The following ADGRG2 variants were observed in gnomAD, a reference collection of about 807,000 sequenced individuals.
ADGRG2 encodes adhesion G protein-coupled receptor G2, also known as G protein-coupled receptor 64.
Under a neutral mutation model 74.1 loss-of-function variants are expected in ADGRG2, and 26 were observed. The ratio of observed to expected loss-of-function variants is 0.35; its 90% confidence interval spans 0.26 to 0.49. The LOEUF is 0.49. Ranked by LOEUF, ADGRG2 falls within the 20% of genes least tolerant of loss-of-function variation. The pLI, the probability that ADGRG2 is intolerant of heterozygous loss-of-function variation, is 0.99. For missense variants in ADGRG2, 619 were observed against 763.1 expected (o/e 0.81, Z 2.22); for synonymous variants, 296 against 295.2 (o/e 1.00, Z -0.03).
intron 1 of ADGRG2, among the ~76,000 whole-genome samples, chrX:19,107,905 C>T (rs1337319650): frequency 1.9e-5 from 2 of 104,048 alleles, no homozygotes; most frequent in Non-Finnish European, 3.9e-5. Context: ...TCGAGACCAT[C>T]CTGGCTAACA....
intron 9 of ADGRG2, among the ~76,000 whole-genome samples, chrX:19,030,694 T>A (rs1478396918): frequency 1.8e-5 from 2 of 112,567 alleles, no homozygotes; most frequent in Non-Finnish European, 3.8e-5. Flanking sequence ...CACAAATTAA[T>A]TCTAAGGGTA....
intron 1 of ADGRG2, among the ~76,000 whole-genome samples, chrX:19,108,669 C>G (rs1163372702): frequency 9.0e-6 from 1 of 111,639 alleles, no homozygotes; most frequent in Non-Finnish European, 1.9e-5. Flanking sequence ...GGTAGCCTGT[C>G]TGGTACCACA....
chrX:18,991,537 T>C (rs2059923814), intron 28 of ADGRG2, among the ~76,000 whole-genome samples: 1 of 112,612 alleles, frequency 8.9e-6, no homozygotes, highest in Non-Finnish European at 1.9e-5. Flanking sequence ...AGCAACCAGC[T>C]ACAACAGTCA....
rs184858362 is a variant in ADGRG2, at chrX:18,999,408, T to C, written c.2331-129A>G. The C allele has an allele frequency of 1.1e-5, 6 of 537,962 alleles. No individual in the cohort carries two copies. In the East Asian group the frequency reaches 2.1e-4, roughly 19 times the overall value. The allele number at this position is 537,962 out of a possible 1,213,427, so 44.3% of individuals were successfully genotyped here. A position where few individuals can be genotyped will look rare whatever the true frequency, so the allele number is the denominator to read the frequency against. ...TACCAGTACAAGAGAAAAAAAATGATAAAACTGCTATTCTCTACAACCATT... is the reference window on the plus strand; with the variant it reads ...TACCAGTACAAGAGAAAAAAAATGACAAAACTGCTATTCTCTACAACCATT... On this transcript the variant is annotated intron_variant, in intron 25 of 28. Transcript: ENST00000379869.
chrX:19,110,702 C>A lies in ADGRG2; in HGVS notation c.-47+11740G>T, dbSNP rs202213180. Among the ~76,000 whole-genome samples, 41 of 81,372 alleles carry A rather than the reference C, an allele frequency of 5.0e-4. 1 individual carries two copies. Among genetic ancestry groups the A allele is most frequent in the East Asian group, 3.6e-3 (11 of 3,025 alleles). 70.7% of individuals were successfully genotyped at this position (81,372 alleles called of 115,157 possible). On this transcript the variant is annotated intron_variant, in intron 1 of 28. Transcript: ENST00000379869. ...CTCTATCTCAAAAAAAAACAAAAAA[C>A]AAACAAAAAAAAAAAACAAAAAAAC...
At chrX:19,045,362 C>T (rs191331099) in intron 3 of ADGRG2, among the ~76,000 whole-genome samples, 279 of 107,360 alleles carry the variant, frequency 2.6e-3, no homozygotes, top group African/African-American at 9.2e-3. Context: ...GGCTGGAGTG[C>T]AGTGGCGCAA....
chrX:19,000,248 C>T (rs1023195655), intron 24 of ADGRG2, among the ~76,000 whole-genome samples: 3 of 111,786 alleles, frequency 2.7e-5, no homozygotes, highest in Admixed American at 9.5e-5. Flanking sequence ...CTGCCCGCCT[C>T]GGTCTCCCAA....
At chrX:19,057,801 T>C (rs1178178502) in intron 3 of ADGRG2, among the ~76,000 whole-genome samples, 3 of 111,412 alleles carry the variant, frequency 2.7e-5, no homozygotes, top group Middle Eastern at 4.6e-3. Flanking sequence ...GATTGCACCA[T>C]TGCATTCCAG....
rs150013899 is a variant in ADGRG2 at position 19,014,045 on chromosome X, G to T, written c.740C>A (p.Ala247Asp). ...AAATGGTGGGCCACGTGGATGGTCA[G>T]CAAGACAGACAATGGGATCCTGCAG... ...CDLQDPIVCL[A>D]DHPRGPPFSS... The change falls in exon 16 of 29, where the codon GCT becomes GAT. Residue 247 changes from alanine to aspartate, a missense_variant. Transcript: ENST00000379869. 258 of 1,203,428 alleles carry T rather than the reference G, an allele frequency of 2.1e-4. No individual in the cohort carries two copies. The African/African-American group carries it at 4.2e-3, about 19-fold the overall frequency.
At chrX:19,091,956 G>A (rs758034073) in intron 1 of ADGRG2, among the ~76,000 whole-genome samples, 4 of 112,595 alleles carry the variant, frequency 3.6e-5, no homozygotes, top group South Asian at 3.7e-4. Flanking sequence ...AAGAATTGAC[G>A]CGACTTGGGT....
chrX:19,112,469 G>T (rs996289061), intron 1 of ADGRG2, among the ~76,000 whole-genome samples: 1 of 110,311 alleles, frequency 9.1e-6, no homozygotes, highest in African/African-American at 3.3e-5. Context: ...ATTAGACAAT[G>T]CCCTGGCCAA....
intron 1 of ADGRG2, among the ~76,000 whole-genome samples, chrX:19,120,753 G>A (rs1392907256): frequency 8.9e-6 from 1 of 112,419 alleles, no homozygotes; most frequent in Non-Finnish European, 1.9e-5. Context: ...CAGGATGCAT[G>A]TCCATGAAGC....
chrX:19,018,294 T>G (rs1036699149), intron 15 of ADGRG2, among the ~76,000 whole-genome samples: 2 of 104,409 alleles, frequency 1.9e-5, no homozygotes, highest in Non-Finnish European at 3.8e-5. Context: ...TGTTTGTTTG[T>G]TTTTTTTTAA....
intron 26 of ADGRG2, among the ~76,000 whole-genome samples, chrX:18,997,357 G>A (rs1435629874): frequency 2.7e-5 from 3 of 112,127 alleles, no homozygotes; most frequent in African/African-American, 6.5e-5. Flanking sequence ...ATATTCTAAT[G>A]AGAAGATAAT....
chrX:19,024,010 T>C lies in ADGRG2; in HGVS notation c.471-62A>G, dbSNP rs1022565383. On this transcript the variant is annotated intron_variant, in intron 11 of 28. Coordinates refer to ENST00000379869, the MANE Select transcript of ADGRG2 (RefSeq NM_001079858.3). ...CATTAGTGATATTAAATTGAAAACA[T>C]GTTAGATTTTAGCAATTAAATCAAG... The C allele has an allele frequency of 1.7e-5, 14 of 825,960 alleles. No individual in the cohort carries two copies. The African/African-American group carries it at 2.4e-4, about 14-fold the overall frequency. The allele number at this position is 825,960 out of a possible 1,213,427, so 68.1% of individuals were successfully genotyped here.
chrX:19,106,526 G>A (rs1191734097), intron 1 of ADGRG2, among the ~76,000 whole-genome samples: 7 of 110,153 alleles, frequency 6.4e-5, no homozygotes, highest in Non-Finnish European at 1.1e-4. Context: ...TCGGTTTGGC[G>A]TGTGTTTGAG....
Position 19,104,227 on chromosome X carries a change from G to C in ADGRG2, c.-47+18215C>G, listed in dbSNP as rs191013522. Among the ~76,000 whole-genome samples the C allele has an allele frequency of 2.3e-4, 25 of 110,837 alleles. No homozygotes were observed. The East Asian group carries it at 6.3e-3, about 28-fold the overall frequency. On this transcript the variant is annotated intron_variant, in intron 1 of 28. Coordinates refer to ENST00000379869, the MANE Select transcript of ADGRG2 (RefSeq NM_001079858.3). ...AACCCACCACAGAGAAACTCAGTGA[G>C]GGAGGCCTGTGGAAGGGAGTTGGCT...
At chrX:19,095,739 C>T (rs1420260848) in intron 1 of ADGRG2, among the ~76,000 whole-genome samples, 7 of 111,544 alleles carry the variant, frequency 6.3e-5, no homozygotes, top group Non-Finnish European at 1.3e-4. Context: ...GGGAGCCAGG[C>T]GCAATGGCTC....
chrX:18,997,772 C>T (rs1294521731), intron 26 of ADGRG2, among the ~76,000 whole-genome samples: 1 of 112,179 alleles, frequency 8.9e-6, no homozygotes, highest in Middle Eastern at 4.2e-3. Context: ...ACAAGATGAT[C>T]TATTGCCTGA....
Sources: gnomAD v4.1 joint callset for allele counts (sites outside exome capture counted in the v4.1 genomes callset) on GRCh38, gnomAD v4.1.1 for gene constraint, MANE v1.5 for transcripts, NCBI Gene and HGNC (gene_info 2026-07-23, HGNC 2026-07-21) for gene names.